PCDH15: variants seen among roughly 807,000 people sequenced by gnomAD.
PCDH15 encodes the protein protocadherin-15.
Under a neutral mutation model 178.5 loss-of-function variants are expected in PCDH15, and 129 were observed. The observed-to-expected ratio is 0.72, with a 90% CI of 0.63 to 0.84. The LOEUF is 0.84. Ranked by LOEUF, PCDH15 falls within the 40% of genes least tolerant of loss-of-function variation. The pLI, the probability that PCDH15 is intolerant of heterozygous loss-of-function variation, is 0.00. For synonymous variants in PCDH15, 800 were observed against 732.0 expected (o/e 1.09, Z -1.50); for missense variants, 2,230 against 2,099.9 (o/e 1.06, Z -1.21).
chr10:54,255,302 T>C (rs1039617126), intron 8 of PCDH15, among the ~76,000 whole-genome samples: 1 of 152,198 alleles, frequency 6.6e-6, no homozygotes, highest in East Asian at 1.9e-4. Context: ...ATGAAGCAGA[T>C]GCACATCACT....
chr10:54,004,875 C>T (rs1031518600), intron 20 of PCDH15, among the ~76,000 whole-genome samples: 3 of 141,400 alleles, frequency 2.1e-5, no homozygotes, highest in African/African-American at 7.9e-5. Flanking sequence ...AAAAAAAAAA[C>T]ACCTGGAGGA....
chr10:53,977,848 G>A (rs2090311193), intron 21 of PCDH15, among the ~76,000 whole-genome samples: 1 of 152,152 alleles, frequency 6.6e-6, no homozygotes, highest in African/African-American at 2.4e-5. Flanking sequence ...GGGGCTACAG[G>A]CCCCATGCAT....
intron 3 of PCDH15, among the ~76,000 whole-genome samples, chr10:54,394,111 A>AT (rs1491151818): frequency 1.3e-5 from 2 of 152,190 alleles, no homozygotes; most frequent in Admixed American, 6.5e-5. Context: ...AATTGAAAAC[A>AT]TATAATTATT....
chr10:54,594,580 C>T (rs921749142), intron 2 of PCDH15, among the ~76,000 whole-genome samples: 2 of 152,126 alleles, frequency 1.3e-5, no homozygotes, highest in African/African-American at 4.8e-5. Flanking sequence ...TATAAGACTG[C>T]CCATGTCCTC....
At chr10:53,866,882 GATTATA>G (rs2079500113) in intron 26 of PCDH15, 25 bp from the exon 27 acceptor site, 1 of 1,486,392 alleles carries the variant, frequency 6.7e-7, no homozygotes, top group Admixed American at 1.7e-5. Flanking sequence ...AAAAAAAAGA[GATTATA>G]ATTAAGCAGG....
chr10:54,036,541 A>G (rs1428754890), intron 18 of PCDH15, among the ~76,000 whole-genome samples: 1 of 151,946 alleles, frequency 6.6e-6, no homozygotes, highest in African/African-American at 2.4e-5. Flanking sequence ...AGCATAGTTT[A>G]GCAAGTATTT....
intron 15 of PCDH15, among the ~76,000 whole-genome samples, chr10:54,094,694 AAT>A (rs1350935688): frequency 6.6e-6 from 1 of 152,198 alleles, no homozygotes; most frequent in African/African-American, 2.4e-5. Flanking sequence ...CTGGTTTGCT[AAT>A]ATATGGTTAA....
intron 2 of PCDH15, among the ~76,000 whole-genome samples, chr10:55,360,350 T>TAA (rs1469559661): frequency 2.4e-4 from 37 of 152,062 alleles, no homozygotes; most frequent in Middle Eastern, 3.4e-3. Context: ...GACCTTAGGA[T>TAA]AATCAAGGGT....
At chr10:54,171,573 G>C (rs920686682) in intron 13 of PCDH15, among the ~76,000 whole-genome samples, 3 of 151,076 alleles carry the variant, frequency 2.0e-5, no homozygotes, top group African/African-American at 7.3e-5. Context: ...TTACACTGCC[G>C]GTTTACACTG....
In PCDH15 at chr10:53,810,724, T is replaced by C. The variant is rs912367907; in HGVS notation, c.4563-60A>G. Reference sequence around the variant, plus strand: ...CATGTGATTTCTGTAGAATCTACCATGAGTGATCTGTTTCCTTCTTTTTCT... The same window carrying C: ...CATGTGATTTCTGTAGAATCTACCACGAGTGATCTGTTTCCTTCTTTTTCT... On this transcript the variant is annotated intron_variant, in intron 36 of 37. Coordinates refer to ENST00000644397, the MANE Select transcript of PCDH15 (RefSeq NM_001384140.1). 5 of 1,410,966 alleles carry C rather than the reference T, an allele frequency of 3.5e-6. No homozygotes were observed. In the African/African-American group the frequency reaches 5.6e-5, roughly 16 times the overall value. 87.4% of individuals were successfully genotyped at this position (1,410,966 alleles called of 1,614,324 possible). A position where few individuals can be genotyped will look rare whatever the true frequency, so the allele number is the denominator to read the frequency against.
intron 28 of PCDH15, among the ~76,000 whole-genome samples, chr10:53,846,059 AAG>A: frequency 7.5e-6 from 1 of 133,528 alleles, no homozygotes; most frequent in East Asian, 4.6e-4. Flanking sequence ...CAAACAAAAA[AAG>A]AATTAAAAAA....
intron 2 of PCDH15, among the ~76,000 whole-genome samples, chr10:54,625,923 T>G (rs1298417232): frequency 2.0e-5 from 3 of 152,144 alleles, no homozygotes; most frequent in African/African-American, 4.8e-5. Flanking sequence ...ACAAAAATGC[T>G]GATAGTGATA....
At chr10:53,976,141 C>A (rs1050800088) in intron 21 of PCDH15, among the ~76,000 whole-genome samples, 13 of 152,150 alleles carry the variant, frequency 8.5e-5, no homozygotes, top group African/African-American at 2.9e-4. Context: ...TGTTTTTGTA[C>A]CAGTACCGTG....
chr10:54,266,744 A>T (rs572720543), intron 8 of PCDH15, among the ~76,000 whole-genome samples: 36 of 152,070 alleles, frequency 2.4e-4, no homozygotes, highest in Admixed American at 2.0e-3. Flanking sequence ...CTCAAGATTG[A>T]ACCAGGAAGA....
chr10:54,550,320 G>A (rs574580378), intron 2 of PCDH15, among the ~76,000 whole-genome samples: 1 of 152,014 alleles, frequency 6.6e-6, no homozygotes, highest in South Asian at 2.1e-4. Context: ...CCTCTCTCTC[G>A]CTAGAAAAAT....
chr10:53,900,853 A>G (rs2082289553), intron 26 of PCDH15, among the ~76,000 whole-genome samples: 1 of 152,170 alleles, frequency 6.6e-6, no homozygotes, highest in African/African-American at 2.4e-5. Context: ...TCCTTGTTAT[A>G]GTCATCACAT....
chr10:54,729,212 A>G (rs1943001779), intron 1 of PCDH15, among the ~76,000 whole-genome samples: 1 of 151,694 alleles, frequency 6.6e-6, no homozygotes, highest in South Asian at 2.1e-4. Flanking sequence ...ATACTGGTAC[A>G]AAAAGAAACA....
intron 4 of PCDH15, among the ~76,000 whole-genome samples, chr10:54,372,999 A>C (rs1295966410): frequency 2.6e-5 from 4 of 151,810 alleles, no homozygotes; most frequent in Admixed American, 1.3e-4. Context: ...AAATGTAAAA[A>C]TTTTGTAACT....
intron 14 of PCDH15, 102 bp downstream of exon 14, chr10:54,152,998 A>G: frequency 7.8e-7 from 1 of 1,289,326 alleles, no homozygotes; most frequent in East Asian, 2.5e-5. Context: ...GATCTAATTT[A>G]GATGTTTATA....
Sources: gnomAD v4.1 joint callset for allele counts (sites outside exome capture counted in the v4.1 genomes callset) on GRCh38, gnomAD v4.1.1 for gene constraint, MANE v1.5 for transcripts, NCBI Gene and HGNC (gene_info 2026-07-23, HGNC 2026-07-21) for gene names.